XIST: variants seen among roughly 807,000 people sequenced by gnomAD.
The protein encoded by XIST is X inactive specific transcript, also known as X inactive specific transcript (non-protein coding).
chrX:73,840,169 T>C (rs1569512178), intron 1 of XIST, among the ~76,000 whole-genome samples: 1 of 111,360 alleles, frequency 9.0e-6, no homozygotes, highest in Admixed American at 9.6e-5. Context: ...TCTCAGAAAA[T>C]TTTGTTCCTT....
chrX:73,844,529 A>T (rs1922682040), exon 1 of XIST: 1 of 557,339 alleles, frequency 1.8e-6, no homozygotes, highest in Non-Finnish European at 3.2e-6. Flanking sequence ...TATGCACATA[A>T]ATTTCCAAGA....
exon 6 of XIST, chrX:73,824,053 C>T (rs776364693): frequency 1.4e-5 from 8 of 553,146 alleles, no homozygotes; most frequent in Non-Finnish European, 2.6e-5. Flanking sequence ...CAGTTGTTAT[C>T]TCTAAGGATA....
chrX:73,849,739 G>A (rs189433885), exon 1 of XIST: 2 of 552,035 alleles, frequency 3.6e-6, no homozygotes, highest in African/African-American at 2.3e-5. Flanking sequence ...CAGTATAATA[G>A]GATAAGCAAT....
exon 6 of XIST, chrX:73,825,928 C>T (rs1160429111): frequency 3.6e-6 from 2 of 559,365 alleles, no homozygotes; most frequent in Non-Finnish European, 6.5e-6. Context: ...GTCCCAGGTT[C>T]TCTCATCTTT....
chrX:73,850,715 G>A lies in XIST; in HGVS notation n.2009C>T, dbSNP rs1423537010. ...AGGGGGGTAGGGGGGTAGGGGGGTG[G>A]GGAGGTGGGGGGTGGGGGGTGGGGG... On this transcript the variant is annotated non_coding_transcript_exon_variant, in exon 1 of 6. Coordinates refer to ENST00000429829, the Ensembl canonical transcript of XIST. The A allele has an allele frequency of 1.3e-4, 32 of 250,400 alleles. No homozygotes were observed. The Admixed American group carries it at 1.3e-3, about 10-fold the overall frequency. The allele number at this position is 250,400 out of a possible 1,213,427, so 20.6% of individuals were successfully genotyped here. A position where few individuals can be genotyped will look rare whatever the true frequency, so the allele number is the denominator to read the frequency against.
exon 1 of XIST, chrX:73,847,515 C>T (rs1569512661): frequency 3.9e-6 from 2 of 510,901 alleles, no homozygotes; most frequent in African/African-American, 4.7e-5. Flanking sequence ...CCACCACACC[C>T]GGCCTCAGGG....
exon 6 of XIST, chrX:73,825,706 G>T: frequency 1.9e-6 from 1 of 514,635 alleles, no homozygotes; most frequent in South Asian, 2.5e-5. Context: ...TTTATGATTT[G>T]ACCCCTTACA....
chrX:73,839,329 G>C (rs1019491248), intron 1 of XIST, among the ~76,000 whole-genome samples: 6 of 111,092 alleles, frequency 5.4e-5, no homozygotes, highest in Non-Finnish European at 9.5e-5. Context: ...TTTTATAAAG[G>C]GAAAAGTCAG....
rs1203993233 is a variant in XIST, at chrX:73,824,783, C to T, written n.15118G>A. ...CTCATACTAGCTCTTTCCTGGTTAC[C>T]TGGAAAAATGTATCAGTAATAATTT... On this transcript the variant is annotated non_coding_transcript_exon_variant, in exon 6 of 6. Transcript: ENST00000429829. The T allele has an allele frequency of 1.1e-5, 6 of 558,413 alleles. No individual in the cohort carries two copies. In the South Asian group the frequency reaches 1.3e-4, roughly 12 times the overall value. The allele number at this position is 558,413 out of a possible 1,213,427, so 46.0% of individuals were successfully genotyped here. A position where few individuals can be genotyped will look rare whatever the true frequency, so the allele number is the denominator to read the frequency against.
At position 73,826,773 on chromosome X, in the gene XIST, C is replaced by CT. The variant is rs776877272; in HGVS notation, n.13127dup. 2.3e-5 allele frequency: 13 copies of CT among 558,641 alleles called. No individual in the cohort carries two copies. In the Admixed American group the frequency reaches 2.9e-4, roughly 12 times the overall value. The allele number at this position is 558,641 out of a possible 1,213,427, so 46.0% of individuals were successfully genotyped here. ...TGGGTCCTCTATCCATCTAGGTAGG[C>CT]TTTGTGACAGGGGCCTTCCATCCTT... On this transcript the variant is annotated non_coding_transcript_exon_variant, in exon 6 of 6. Coordinates refer to ENST00000429829, the Ensembl canonical transcript of XIST.
exon 1 of XIST, chrX:73,851,628 G>T (rs1212062704): frequency 3.1e-5 from 17 of 556,940 alleles, no homozygotes; most frequent in Admixed American, 4.5e-5. Flanking sequence ...GATAAAAGAT[G>T]ATTCTTACTG....
chrX:73,849,509 T>C, exon 1 of XIST: 1 of 558,908 alleles, frequency 1.8e-6, no homozygotes, highest in Non-Finnish European at 3.2e-6. Flanking sequence ...AAATGGTTTC[T>C]CCTTTAAGGG....
intron 3 of XIST, chrX:73,833,122 C>T (rs1201210142): frequency 2.0e-5 from 9 of 456,704 alleles, no homozygotes; most frequent in African/African-American, 7.2e-5. Flanking sequence ...CCTCCCAAAG[C>T]CCTGGAATTA....
chrX:73,848,694 G>T (rs1022286771), exon 1 of XIST: 6 of 556,958 alleles, frequency 1.1e-5, no homozygotes, highest in Admixed American at 6.7e-5. Flanking sequence ...GTGGGATGGG[G>T]TGAGAATCCA....
rs1386404914 is a variant in XIST, at chrX:73,850,845, T to A, written n.1879A>T. The A allele has an allele frequency of 1.1e-5, 6 of 522,655 alleles. No individual in the cohort carries two copies. The South Asian group carries it at 1.5e-4, about 13-fold the overall frequency. The allele number at this position is 522,655 out of a possible 1,213,427, so 43.1% of individuals were successfully genotyped here. A position where few individuals can be genotyped will look rare whatever the true frequency, so the allele number is the denominator to read the frequency against. ...GAGGTTCAGACCACACAGCCAGATA[T>A]CCAGCACTGCAAGAGGCAGCACTGG... On this transcript the variant is annotated non_coding_transcript_exon_variant, in exon 1 of 6. Coordinates refer to ENST00000429829, the Ensembl canonical transcript of XIST.
At chrX:73,823,749 T>C in exon 6 of XIST, 1 of 558,917 alleles carries the variant, frequency 1.8e-6, no homozygotes, top group Non-Finnish European at 3.2e-6. Flanking sequence ...CTACTCAGCT[T>C]AGTACACTGC....
chrX:73,847,717 C>A (rs188837699), exon 1 of XIST: 26 of 549,921 alleles, frequency 4.7e-5, no homozygotes, highest in Admixed American at 6.9e-5. Context: ...AAAATATGCA[C>A]ATTAAGAGTC....
intron 1 of XIST, chrX:73,841,246 A>C (rs147403925): frequency 0.026 from 9,201 of 352,442 alleles, 129 homozygotes; most frequent in Admixed American, 0.073. Context: ...TTCTCTCTCT[A>C]TATATATATA....
chrX:73,847,775 G>C (rs1284671391), exon 1 of XIST: 3 of 556,845 alleles, frequency 5.4e-6, no homozygotes, highest in African/African-American at 4.5e-5. Flanking sequence ...AAGGACTCTG[G>C]GTTTCCAGCA....
Sources: allele counts gnomAD v4.1 joint callset (sites outside exome capture counted in the v4.1 genomes callset), GRCh38; gene constraint gnomAD v4.1.1; transcripts MANE v1.5; gene names NCBI Gene and HGNC (gene_info 2026-07-23, HGNC 2026-07-21).